Variants in CPS1 observed in about 807,000 individuals in gnomAD.
The protein encoded by CPS1 is carbamoyl-phosphate synthase [ammonia], mitochondrial.
Under a neutral mutation model 174.6 loss-of-function variants are expected in CPS1, and 109 were observed. The ratio of observed to expected loss-of-function variants is 0.62; its 90% CI spans 0.53 to 0.73. CPS1 has a LOEUF of 0.73. CPS1 is among the 30% of genes least tolerant of loss of function. The pLI is 0.00. For synonymous variants in CPS1, 637 were observed against 632.0 expected, an observed-to-expected ratio of 1.01 and a Z score of -0.12; for missense variants, 1,689 against 1,821.9, an observed-to-expected ratio of 0.93 and a Z score of 1.33.
chr2:210,483,158 G>A (rs1386522925), intron 1 of CPS1, among the ~76,000 whole-genome samples: 1 of 152,096 alleles, frequency 6.6e-6, no homozygotes, highest in Non-Finnish European at 1.5e-5. Context: ...TAAGCCAGGG[G>A]TAAGCAAAGT....
chr2:210,537,456 C>G (rs1408635138), intron 1 of CPS1, among the ~76,000 whole-genome samples: 1 of 152,180 alleles, frequency 6.6e-6, no homozygotes, highest in African/African-American at 2.4e-5. Context: ...AGTGGTGTGT[C>G]TGCCACACAT....
chr2:210,627,448 GC>G (rs1699730689), intron 21 of CPS1, among the ~76,000 whole-genome samples: 1 of 152,042 alleles, frequency 6.6e-6, no homozygotes, highest in African/African-American at 2.4e-5. Flanking sequence ...TTAAATTTAC[GC>G]AAAATAGGCT....
intron 36 of CPS1, among the ~76,000 whole-genome samples, chr2:210,676,735 A>T (rs1217373686): frequency 6.6e-6 from 1 of 152,162 alleles, no homozygotes; most frequent in Admixed American, 6.5e-5. Context: ...TATCTATCAA[A>T]TTACCAATTC....
intron 21 of CPS1, among the ~76,000 whole-genome samples, chr2:210,617,118 A>G (rs1699337159): frequency 6.6e-6 from 1 of 151,988 alleles, no homozygotes. Context: ...ATGGCCAATT[A>G]TTTTTAAACT....
intron 1 of CPS1, among the ~76,000 whole-genome samples, chr2:210,491,979 C>A (rs1161730651): frequency 6.6e-6 from 1 of 152,142 alleles, no homozygotes; most frequent in Non-Finnish European, 1.5e-5. Context: ...CTGACAGCAA[C>A]CAACACTATT....
At chr2:210,497,441 T>G (rs1695017429) in intron 1 of CPS1, among the ~76,000 whole-genome samples, 1 of 152,144 alleles carries the variant, frequency 6.6e-6, no homozygotes, top group Non-Finnish European at 1.5e-5. Context: ...GCAGGTTTGT[T>G]ACATAGGTAT....
intron 27 of CPS1, 30 bp from the exon 28 acceptor site, chr2:210,650,333 G>A: frequency 1.9e-6 from 3 of 1,581,022 alleles, no homozygotes; most frequent in South Asian, 1.1e-5. Flanking sequence ...GCATAAACCT[G>A]ACCTGCTTTT....
At chr2:210,530,487 T>C (rs1296915159) in intron 1 of CPS1, among the ~76,000 whole-genome samples, 1 of 152,048 alleles carries the variant, frequency 6.6e-6, no homozygotes, top group Non-Finnish European at 1.5e-5. Flanking sequence ...AAGAGAGAGA[T>C]TTACATAAGA....
At chr2:210,633,713 C>A (rs1357319496) in intron 21 of CPS1, among the ~76,000 whole-genome samples, 1 of 151,952 alleles carries the variant, frequency 6.6e-6, no homozygotes, top group Non-Finnish European at 1.5e-5. Flanking sequence ...ACTGGTATTC[C>A]ATGTAAGAAG....
chr2:210,654,215 G>GT, intron 29 of CPS1, 113 bp downstream of exon 29: 1 of 906,756 alleles, frequency 1.1e-6, no homozygotes, highest in Admixed American at 2.0e-5. Context: ...CAGGTCTCCA[G>GT]TAATAGTGGA....
intron 21 of CPS1, among the ~76,000 whole-genome samples, chr2:210,620,449 T>A (rs1699472486): frequency 6.6e-6 from 1 of 151,946 alleles, no homozygotes; most frequent in Admixed American, 6.6e-5. Context: ...GAGGGATAGG[T>A]GTATTAGGCC....
chr2:210,565,166 C>T (rs1697259473), intron 1 of CPS1, among the ~76,000 whole-genome samples: 1 of 151,726 alleles, frequency 6.6e-6, no homozygotes, highest in Non-Finnish European at 1.5e-5. Flanking sequence ...TAGGAAAATT[C>T]CGTTTTAGTC....
In CPS1 at chr2:210,502,551, A is replaced by G. The variant is rs546026148; in HGVS notation, c.3+24785A>G. Among the ~76,000 whole-genome samples, 17 of 150,696 alleles carry G rather than the reference A, an allele frequency of 1.1e-4. No individual in the cohort carries two copies. The Middle Eastern group carries it at 0.01, about 92-fold the overall frequency. On this transcript the variant is annotated intron_variant, in intron 1 of 38. Coordinates refer to the CPS1 transcript ENST00000430249. ...CACATATATACATATAATGTTAAAAAGCATCTTTTCAAATAAATGCTGCTT... is the reference window on the plus strand; with the variant it reads ...CACATATATACATATAATGTTAAAAGGCATCTTTTCAAATAAATGCTGCTT...
chr2:210,624,745 T>G (rs571815471), intron 21 of CPS1, among the ~76,000 whole-genome samples: 1 of 152,152 alleles, frequency 6.6e-6, no homozygotes, highest in East Asian at 1.9e-4. Context: ...TGATTGTGCA[T>G]TTTTGAATTT....
chr2:210,549,686 T>C (rs1696671925), intron 1 of CPS1, among the ~76,000 whole-genome samples: 1 of 152,084 alleles, frequency 6.6e-6, no homozygotes, highest in African/African-American at 2.4e-5. Flanking sequence ...TTGGTTTTTA[T>C]ATCTATAGAA....
chr2:210,539,002 T>C (rs977907057), intron 1 of CPS1, among the ~76,000 whole-genome samples: 2 of 152,188 alleles, frequency 1.3e-5, no homozygotes, highest in Admixed American at 6.5e-5. Flanking sequence ...ACATAGTGTA[T>C]TTTATTAATG....
At chr2:210,531,811 C>T (rs750897748) in intron 1 of CPS1, among the ~76,000 whole-genome samples, 6 of 152,112 alleles carry the variant, frequency 3.9e-5, no homozygotes, top group Non-Finnish European at 8.8e-5. Context: ...ATAGTCAAAA[C>T]GCTATTTTTT....
At chr2:210,577,531 T>C (rs767584857) in intron 4 of CPS1, 21 bp downstream of exon 4, 3 of 1,561,120 alleles carry the variant, frequency 1.9e-6, no homozygotes, top group Non-Finnish European at 2.7e-6. Context: ...TAATAGGGCA[T>C]CCATCATCAC....
exon 1 of CPS1, chr2:210,477,759 G>C: frequency 6.2e-7 from 1 of 1,613,426 alleles, no homozygotes; most frequent in Non-Finnish European, 8.5e-7. Flanking sequence ...ATTTAGCCGA[G>C]GCCCATGGTG....
Sources: allele counts gnomAD v4.1 joint callset (sites outside exome capture counted in the v4.1 genomes callset), GRCh38; gene constraint gnomAD v4.1.1; transcripts MANE v1.5; gene names NCBI Gene and HGNC (gene_info 2026-07-23, HGNC 2026-07-21).